The following LRBA variants were observed in gnomAD, a reference collection of about 807,000 sequenced individuals.
LRBA encodes the protein LPS responsive beige-like anchor protein.
Under a neutral mutation model 330.0 loss-of-function variants are expected in LRBA, and 176 were observed. That is an observed-to-expected ratio of 0.53 (90% CI 0.47 to 0.60). The LOEUF is 0.60. Ranked by LOEUF, LRBA falls within the 20% of genes least tolerant of loss-of-function variation. The pLI, the probability that LRBA is intolerant of heterozygous loss-of-function variation, is 0.00. For synonymous variants in LRBA, 1,230 were observed against 1,193.0 expected, an observed-to-expected ratio of 1.03 and a Z score of -0.64; for missense variants, 3,259 against 3,444.8, an observed-to-expected ratio of 0.95 and a Z score of 1.35.
intron 42 of LRBA, among the ~76,000 whole-genome samples, chr4:150,471,996 A>G (rs895792620): frequency 2.0e-5 from 3 of 152,104 alleles, no homozygotes; most frequent in African/African-American, 7.2e-5. Flanking sequence ...AGGTTCAATA[A>G]AAGTTGATTA....
At chr4:150,494,065 C>A (rs1406069297) in intron 40 of LRBA, among the ~76,000 whole-genome samples, 2 of 151,870 alleles carry the variant, frequency 1.3e-5, no homozygotes, top group Non-Finnish European at 2.9e-5. Flanking sequence ...GCCTGGGCAA[C>A]AATACAACAT....
intron 55 of LRBA, 55 bp downstream of exon 55, chr4:150,282,395 T>C: frequency 6.6e-7 from 1 of 1,504,876 alleles, no homozygotes; most frequent in South Asian, 1.2e-5. Context: ...CCCTCCCCAC[T>C]TGACACACGT....
intron 36 of LRBA, among the ~76,000 whole-genome samples, chr4:150,701,813 C>T (rs1225283256): frequency 6.6e-6 from 1 of 152,162 alleles, no homozygotes; most frequent in Non-Finnish European, 1.5e-5. Context: ...AATCCATCAT[C>T]TCTTCACTAA....
chr4:150,335,192 A>C (rs896173902), intron 48 of LRBA, among the ~76,000 whole-genome samples: 1 of 152,038 alleles, frequency 6.6e-6, no homozygotes, highest in Non-Finnish European at 1.5e-5. Flanking sequence ...AGATATAAAG[A>C]AAGTTATTAT....
intron 40 of LRBA, among the ~76,000 whole-genome samples, chr4:150,505,903 C>T (rs547737481): frequency 6.6e-5 from 10 of 152,042 alleles, no homozygotes; most frequent in African/African-American, 1.2e-4. Context: ...ATATCACCAC[C>T]GATCCCACAG....
intron 40 of LRBA, among the ~76,000 whole-genome samples, chr4:150,509,519 C>A (rs1460387765): frequency 6.6e-5 from 10 of 150,436 alleles, no homozygotes; most frequent in African/African-American, 9.8e-5. Flanking sequence ...CAAGTTAAAC[C>A]CAGATTAAGC....
chr4:150,429,645 G>A (rs572591726), intron 46 of LRBA, among the ~76,000 whole-genome samples: 3 of 152,176 alleles, frequency 2.0e-5, no homozygotes, highest in East Asian at 1.9e-4. Context: ...ACAGGCTAGA[G>A]ACATAAATGT....
At chr4:150,474,648 T>G (rs1257691059) in intron 42 of LRBA, among the ~76,000 whole-genome samples, 1 of 152,218 alleles carries the variant, frequency 6.6e-6, no homozygotes, top group Non-Finnish European at 1.5e-5. Context: ...TATTAAGGTC[T>G]ATTTTTAATT....
At chr4:150,539,437 G>A (rs1468542233) in intron 40 of LRBA, among the ~76,000 whole-genome samples, 1 of 152,074 alleles carries the variant, frequency 6.6e-6, no homozygotes, top group East Asian at 1.9e-4. Flanking sequence ...TTTTTTGTGT[G>A]TTTATATTAC....
At chr4:150,467,031 C>G (rs986943296) in intron 44 of LRBA, among the ~76,000 whole-genome samples, 1 of 152,040 alleles carries the variant, frequency 6.6e-6, no homozygotes, top group Non-Finnish European at 1.5e-5. Flanking sequence ...ACTAGAGTGC[C>G]TGGTCATACC....
intron 40 of LRBA, among the ~76,000 whole-genome samples, chr4:150,530,469 G>A (rs188447969): frequency 1.0e-3 from 156 of 152,294 alleles, no homozygotes; most frequent in African/African-American, 3.5e-3. Flanking sequence ...ATGTGCCTGA[G>A]GGAGTACTGG....
intron 49 of LRBA, among the ~76,000 whole-genome samples, chr4:150,325,145 C>T (rs1477858943): frequency 6.6e-6 from 1 of 152,094 alleles, no homozygotes; most frequent in Non-Finnish European, 1.5e-5. Flanking sequence ...ACCATGGGAG[C>T]GGCCTGGTCT....
At chr4:150,609,779 A>G (rs1347278286) in intron 37 of LRBA, among the ~76,000 whole-genome samples, 2 of 152,194 alleles carry the variant, frequency 1.3e-5, no homozygotes, top group Non-Finnish European at 2.9e-5. Context: ...AAGGTAAAGA[A>G]CAGACTTAAG....
At chr4:150,385,654 A>G (rs1742949246) in intron 47 of LRBA, among the ~76,000 whole-genome samples, 1 of 152,172 alleles carries the variant, frequency 6.6e-6, no homozygotes, top group African/African-American at 2.4e-5. Context: ...CAGTGTGCTG[A>G]GTTACCAGAC....
chr4:150,918,766 A>G (rs1041018408), intron 5 of LRBA, among the ~76,000 whole-genome samples: 2 of 152,138 alleles, frequency 1.3e-5, no homozygotes, highest in Non-Finnish European at 2.9e-5. Context: ...AACAAACAAA[A>G]ATAGACATTA....
In LRBA at chr4:150,638,659, T is replaced by C. The variant is rs372532032; in HGVS notation, c.5922-39528A>G. Among the ~76,000 whole-genome samples, 107 of 148,740 alleles carry C rather than the reference T, an allele frequency of 7.2e-4. 2 individuals are homozygous for C. The South Asian group carries it at 0.023, about 32-fold the overall frequency. ...AAATCAAAACCACAATGAGATACCA[T>C]CTCACACCAGTTAGAATGGTGATCA... On this transcript the variant is annotated intron_variant, in intron 37 of 56. Transcript: ENST00000651943.
At position 150,389,353 on chromosome 4, in the gene LRBA, C is replaced by CTAAATAAATAAATAAA. The variant is rs555482145; in HGVS notation, c.7194+26069_7194+26084dup. ...TGAACAACAGAGTGAGACTCAGTCT[C>CTAAATAAATAAATAAA]TAAATAAATAAATAAATAAATAAAT... On this transcript the variant is annotated intron_variant, in intron 47 of 56. Transcript: ENST00000651943. Among the ~76,000 whole-genome samples, 127 of 150,264 alleles carry CTAAATAAATAAATAAA rather than the reference C, an allele frequency of 8.5e-4. 1 individual carries two copies. Among genetic ancestry groups the CTAAATAAATAAATAAA allele is most frequent in the African/African-American group, 2.7e-3 (109 of 40,228 alleles).
Position 150,831,817 on chromosome 4 carries a change from CAG to C in LRBA, c.4727_4728del (p.Ser1576Ter). 6.3e-7 allele frequency: 1 copy of C among 1,580,752 alleles called. No individual in the cohort carries two copies. Among genetic ancestry groups the C allele is most frequent in the Admixed American group, 1.8e-5 (1 of 55,180 alleles). ...TGSENENVSL[S>X]EITPAAFSTL... is the part of the protein sequence containing the mutation. ...AAAGGAATAGAAAATGCAAACTTAC[CAG>C]AGAGTGATACATTCTCATTTTCACT... On this transcript the variant is annotated frameshift_variant and splice_region_variant, in exon 29 of 57. Coordinates refer to ENST00000651943, the MANE Select transcript of LRBA (RefSeq NM_001364905.1). LOFTEE classifies it high-confidence loss of function.
At chr4:150,832,164 A>G (rs1747302256) in intron 28 of LRBA, among the ~76,000 whole-genome samples, 188 bp from the exon 29 acceptor site, 2 of 152,236 alleles carry the variant, frequency 1.3e-5, no homozygotes, top group Admixed American at 6.5e-5. Flanking sequence ...GACTCTTAGA[A>G]AAATGTCTTT....
Sources: gnomAD v4.1 joint callset for allele counts (sites outside exome capture counted in the v4.1 genomes callset) on GRCh38, gnomAD v4.1.1 for gene constraint, MANE v1.5 for transcripts, NCBI Gene and HGNC (gene_info 2026-07-23, HGNC 2026-07-21) for gene names.